Variants in MROH1 observed in about 807,000 individuals in gnomAD.
MROH1 encodes maestro heat-like repeat-containing protein family member 1.
MROH1 carries 117 observed loss-of-function variants against 116.5 expected under a neutral mutation model. The ratio of observed to expected loss-of-function variants is 1.00; its 90% CI spans 0.86 to 1.17. MROH1 has a LOEUF of 1.17. Ranked by LOEUF, MROH1 falls within the 50% of genes most tolerant of loss-of-function variation. The pLI, the probability that MROH1 is intolerant of heterozygous loss-of-function variation, is 0.00. For missense variants in MROH1, 1,873 were observed against 1,338.5 expected (o/e 1.40, Z -6.23); for synonymous variants, 921 against 583.9 (o/e 1.58, Z -8.32).
At chr8:144,215,798 G>A (rs1419747610) in intron 12 of MROH1, among the ~76,000 whole-genome samples, 1 of 151,348 alleles carries the variant, frequency 6.6e-6, no homozygotes, top group African/African-American at 2.4e-5. Flanking sequence ...GCGTGAACCT[G>A]GGTGGCAGAG....
intron 33 of MROH1, 170 bp from the exon 34 acceptor site, chr8:144,254,643 G>C (rs1843382549): frequency 1.7e-6 from 1 of 595,546 alleles, no homozygotes; most frequent in African/African-American, 1.9e-5. Flanking sequence ...GGAGTCAGGG[G>C]AAGGGGTGAG....
chr8:144,154,196 C>G (rs1373552875), intron 1 of MROH1, among the ~76,000 whole-genome samples: 1 of 152,116 alleles, frequency 6.6e-6, no homozygotes, highest in Non-Finnish European at 1.5e-5. Flanking sequence ...TTCCGAGTAG[C>G]TGGGATTACA....
At chr8:144,198,379 GC>G (rs1483933134) in intron 10 of MROH1, among the ~76,000 whole-genome samples, 1 of 152,172 alleles carries the variant, frequency 6.6e-6, no homozygotes, top group Admixed American at 6.5e-5. Flanking sequence ...GTACCATGGA[GC>G]CCAGAGATGC....
intron 24 of MROH1, 73 bp from the exon 25 acceptor site, chr8:144,243,421 G>A (rs1841354137): frequency 1.3e-6 from 1 of 764,364 alleles, no homozygotes. Flanking sequence ...TCAGAGGAAA[G>A]AAAAGGGGGT....
chr8:144,261,406 G>T lies in MROH1; in HGVS notation c.4840+57G>T, dbSNP rs1250925533. 4.3e-6 allele frequency: 3 copies of T among 700,270 alleles called. No individual in the cohort carries two copies. The African/African-American group carries it at 5.2e-5, about 12-fold the overall frequency. 43.4% of individuals were successfully genotyped at this position (700,270 alleles called of 1,614,324 possible). On this transcript the variant is annotated intron_variant, in intron 43 of 43. Transcript: ENST00000326134. ...GGCCCTGCTGACCCTGTAGGCACCC[G>T]CAGGGACTAAGTGATTTTCCTGGAT... is the stretch of plus-strand genomic sequence containing the variant.
chr8:144,201,433 C>T (rs920212674), intron 12 of MROH1, among the ~76,000 whole-genome samples: 5 of 152,188 alleles, frequency 3.3e-5, no homozygotes, highest in South Asian at 4.1e-4. Context: ...TGGTTTCCAG[C>T]GTGGCTCTTC....
At chr8:144,240,502 T>G in intron 19 of MROH1, 68 bp from the exon 20 acceptor site, 1 of 709,460 alleles carries the variant, frequency 1.4e-6, no homozygotes, top group Admixed American at 2.0e-5. Context: ...CATGGGGATG[T>G]GCCCAGGCTC....
In MROH1 at chr8:144,239,715, T is replaced by G. The variant is rs895164223; in HGVS notation, c.1734T>G (p.His578Gln). 1.1e-5 allele frequency: 8 copies of G among 724,368 alleles called. No homozygotes were observed. The African/African-American group carries it at 1.2e-4, about 11-fold the overall frequency. 44.9% of individuals were successfully genotyped at this position (724,368 alleles called of 1,614,324 possible). The stretch of plus-strand genomic sequence containing the variant: ...ACATTCACCCTTTGCTGGGTCAGCA[T>G]TGGGAAACGACTGTCCCGCTGCTGC... ...HPNIHPLLGQ[H>Q]WETTVPLLLG... is the part of the protein sequence containing the mutation. The change falls in exon 18 of 44, where the codon CAT (histidine) becomes CAG (glutamine). Residue 578 changes from histidine to glutamine, a missense_variant. Coordinates refer to ENST00000326134, the MANE Select transcript of MROH1 (RefSeq NM_032450.3).
chr8:144,242,735 C>T, intron 24 of MROH1, 107 bp downstream of exon 24: 2 of 706,688 alleles, frequency 2.8e-6, no homozygotes, highest in Non-Finnish European at 5.3e-6. Context: ...TTGGAGCTTG[C>T]TGGGGCTTCC....
At chr8:144,245,017 A>C in intron 28 of MROH1, 139 bp from the exon 29 acceptor site, 1 of 706,220 alleles carries the variant, frequency 1.4e-6, no homozygotes, top group East Asian at 2.6e-5. Flanking sequence ...GGCTGGCACC[A>C]CTCTGGGTCC....
intron 3 of MROH1, among the ~76,000 whole-genome samples, chr8:144,166,877 G>A (rs376391649): frequency 8.5e-5 from 13 of 152,338 alleles, no homozygotes; most frequent in African/African-American, 2.9e-4. Flanking sequence ...AGTTCAGTAC[G>A]GGCCGGGTTT....
At chr8:144,175,703 C>A in intron 4 of MROH1, 1 of 377,924 alleles carries the variant, frequency 2.6e-6, no homozygotes, top group Non-Finnish European at 3.6e-6. Flanking sequence ...ACAAGAGGAT[C>A]GCTTGAGGCC....
intron 12 of MROH1, among the ~76,000 whole-genome samples, chr8:144,208,296 A>G (rs1430559211): frequency 6.6e-6 from 1 of 152,174 alleles, no homozygotes; most frequent in Non-Finnish European, 1.5e-5. Flanking sequence ...ACTTGTTGAA[A>G]AGACTTTACT....
At chr8:144,151,247 CAAAA>C (rs1160118892) in intron 1 of MROH1, among the ~76,000 whole-genome samples, 38 of 22,962 alleles carry the variant, frequency 1.7e-3, no homozygotes, top group African/African-American at 3.9e-3. Context: ...TATTCTGTCT[CAAAA>C]AAAAAAAAAA....
chr8:144,190,999 G>T, intron 8 of MROH1, 64 bp downstream of exon 8: 3 of 1,528,620 alleles, frequency 2.0e-6, no homozygotes, highest in Non-Finnish European at 2.7e-6. Context: ...CACATTCCCT[G>T]CCCGTGGCAA....
At chr8:144,166,477 T>C (rs1450735233) in intron 3 of MROH1, among the ~76,000 whole-genome samples, 1 of 152,170 alleles carries the variant, frequency 6.6e-6, no homozygotes, top group Non-Finnish European at 1.5e-5. Flanking sequence ...GCTGAGGCTG[T>C]GGCTCCCTTA....
At chr8:144,216,067 C>T (rs1835188167) in intron 12 of MROH1, among the ~76,000 whole-genome samples, 1 of 150,282 alleles carries the variant, frequency 6.7e-6, no homozygotes, top group South Asian at 2.1e-4. Context: ...TGCCTGTAAT[C>T]ACAGCTACTT....
At chr8:144,184,214 G>A (rs890499533) in intron 7 of MROH1, among the ~76,000 whole-genome samples, 1 of 152,252 alleles carries the variant, frequency 6.6e-6, no homozygotes, top group African/African-American at 2.4e-5. Context: ...GGGCCGGGCT[G>A]AAGTGTCCTG....
At chr8:144,185,679 C>T (rs1424943938) in intron 7 of MROH1, among the ~76,000 whole-genome samples, 1 of 45,998 alleles carries the variant, frequency 2.2e-5, no homozygotes, top group Admixed American at 2.6e-4. Context: ...CTCGAGGGGA[C>T]GTGAGGGGCA....
Sources: gnomAD v4.1 joint callset for allele counts (sites outside exome capture counted in the v4.1 genomes callset) on GRCh38, gnomAD v4.1.1 for gene constraint, MANE v1.5 for transcripts, NCBI Gene and HGNC (gene_info 2026-07-23, HGNC 2026-07-21) for gene names.